The following GIT2 variants were observed in gnomAD, a reference collection of about 807,000 sequenced individuals.
The protein encoded by GIT2 is ARF GTPase-activating protein GIT2.
GIT2 carries 32 observed loss-of-function variants against 100.3 expected under a neutral mutation model. That is an observed-to-expected ratio of 0.32 (90% CI 0.24 to 0.43). GIT2 has a LOEUF of 0.43. Ranked by LOEUF, GIT2 falls within the 20% of genes least tolerant of loss-of-function variation. GIT2 has a pLI of 1.00. For missense variants in GIT2, 737 were observed against 975.1 expected (o/e 0.76, Z 3.25); for synonymous variants, 353 against 364.1 (o/e 0.97, Z 0.35).
chr12:109,991,555 A>C, intron 2 of GIT2, 72 bp downstream of exon 2: 1 of 1,220,744 alleles, frequency 8.2e-7, no homozygotes, highest in Non-Finnish European at 1.2e-6. Context: ...ACACCAGGAG[A>C]AATTTAAGTT....
intron 7 of GIT2, among the ~76,000 whole-genome samples, chr12:109,969,986 C>G (rs1252701531): frequency 1.3e-5 from 2 of 151,964 alleles, no homozygotes; most frequent in Non-Finnish European, 2.9e-5. Context: ...AAACTCCTGA[C>G]CTCAGGTGAT....
chr12:109,950,920 G>A (rs979476146), intron 14 of GIT2: 35 of 475,424 alleles, frequency 7.4e-5, no homozygotes, highest in African/African-American at 5.2e-4. Context: ...TAGTCCAAGG[G>A]TTATTCTAAT....
At chr12:109,971,313 G>T (rs567752122) in intron 7 of GIT2, among the ~76,000 whole-genome samples, 103 of 151,966 alleles carry the variant, frequency 6.8e-4, no homozygotes, top group South Asian at 2.7e-3. Flanking sequence ...TTATACCTAA[G>T]TATTTAATTT....
At chr12:109,959,704 A>T (rs1402786325) in intron 12 of GIT2, 143 bp downstream of exon 12, 1 of 621,528 alleles carries the variant, frequency 1.6e-6, no homozygotes, top group Admixed American at 2.9e-5. Context: ...GTATCCCGGA[A>T]CTTAAAGTAA....
At chr12:109,978,431 G>A (rs2013521006) in intron 7 of GIT2, among the ~76,000 whole-genome samples, 1 of 151,990 alleles carries the variant, frequency 6.6e-6, no homozygotes, top group South Asian at 2.1e-4. Flanking sequence ...TACGTTTTCT[G>A]CACACACCAC....
intron 16 of GIT2, among the ~76,000 whole-genome samples, chr12:109,943,865 A>G (rs1764213202): frequency 1.3e-5 from 2 of 150,738 alleles, no homozygotes; most frequent in Non-Finnish European, 3.0e-5. Flanking sequence ...ATAATTTTTT[A>G]TATTTTTTAT....
In GIT2 at chr12:109,967,481, A is replaced by G. The variant is rs752668461; in HGVS notation, c.741T>C (p.Phe247=). 6.2e-7 allele frequency: 1 copy of G among 1,605,518 alleles called. No individual in the cohort carries two copies. The highest frequency in any genetic ancestry group is 8.5e-7 in the Non-Finnish European group (1 of 1,172,238). ...RKPDHKNGQH[F]IIPQMADSSL... ...ACCTGTCTGCCATTTGAGGTATTAT[A>G]AAGTGCTGTCCATTTTTGTGATCTG... The change falls in exon 8 of 20, where the codon TTT becomes TTC. Residue 247 remains phenylalanine, a synonymous_variant. Transcript: ENST00000355312.
At chr12:109,954,914 T>A (rs976237096) in intron 12 of GIT2, among the ~76,000 whole-genome samples, 7 of 150,426 alleles carry the variant, frequency 4.7e-5, no homozygotes, top group Non-Finnish European at 1.0e-4. Flanking sequence ...AAAAAAATAA[T>A]AATAATAATA....
intron 12 of GIT2, among the ~76,000 whole-genome samples, chr12:109,956,724 C>G (rs1030024127): frequency 6.6e-6 from 1 of 152,016 alleles, no homozygotes; most frequent in Non-Finnish European, 1.5e-5. Flanking sequence ...CTTTTAAAAA[C>G]TTTATTATTT....
rs1234047537 is a variant in GIT2 at position 109,953,081 on chromosome 12, T to C, written c.1242+11A>G. The C allele has an allele frequency of 1.9e-6, 3 of 1,611,396 alleles. No homozygotes were observed. The highest frequency in any genetic ancestry group is 2.5e-6 in the Non-Finnish European group (3 of 1,177,782). Reference sequence around the variant, plus strand: ...CGTGCTTGCCCTTCCATGGGACGCATGGCCTCTCACCTTCTGCCGGTTTGT... The same window carrying C: ...CGTGCTTGCCCTTCCATGGGACGCACGGCCTCTCACCTTCTGCCGGTTTGT... On this transcript the variant is annotated intron_variant, in intron 13 of 19. Coordinates refer to ENST00000355312, the MANE Select transcript of GIT2 (RefSeq NM_057169.5).
Position 109,945,292 on chromosome 12 carries a change from G to A in GIT2, c.1699C>T (p.Leu567Phe). ...GCGCTTTCGTCCCTCGACCAGGAAA[G>A]TGTGGAGGGGAAGGAAGGCAGAGAT... is the stretch of plus-strand genomic sequence containing the variant. ...SSSLPSFPST[L>F]SWSRDESARR... The change falls in exon 16 of 20, where the codon CTT (leucine) becomes TTT (phenylalanine). Residue 567 changes from leucine (L) to phenylalanine (F), a missense_variant. This residue lies in a region of GIT2 where 451 missense variants were observed against 543.7 expected (regional missense o/e 0.83). Transcript: ENST00000355312. 6.3e-7 allele frequency: 1 copy of A among 1,579,988 alleles called. No homozygotes were observed. Among genetic ancestry groups the A allele is most frequent in the Non-Finnish European group, 8.7e-7 (1 of 1,149,062 alleles).
chr12:109,953,246 A>G lies in GIT2; in HGVS notation c.1100-12T>C, dbSNP rs377231722. On this transcript the variant is annotated splice_polypyrimidine_tract_variant and intron_variant, in intron 12 of 19. Coordinates refer to ENST00000355312, the MANE Select transcript of GIT2 (RefSeq NM_057169.5). The stretch of plus-strand genomic sequence containing the variant: ...GAGCTCCACATTGTCTATCAATAAA[A>G]GCAAACAACTTTACTTCAGGCTTAA... The G allele has an allele frequency of 6.2e-6, 10 of 1,612,486 alleles. No individual in the cohort carries two copies. In the African/African-American group the frequency reaches 1.2e-4, roughly 19 times the overall value.
rs1455762610 is a variant in GIT2, at chr12:109,945,379, A to C, written c.1642-30T>G. 4 of 1,142,502 alleles carry C rather than the reference A, an allele frequency of 3.5e-6. 1 individual carries two copies. In the South Asian group the frequency reaches 5.0e-5, roughly 14 times the overall value. The allele number at this position is 1,142,502 out of a possible 1,614,324, so 70.8% of individuals were successfully genotyped here. Reference sequence around the variant, plus strand: ...AATGGGAAAGAGAAACACACTCGGGAAAATACAAAACAAACCAAAAACCTA... The same window carrying C: ...AATGGGAAAGAGAAACACACTCGGGCAAATACAAAACAAACCAAAAACCTA... On this transcript the variant is annotated intron_variant, in intron 15 of 19. Transcript: ENST00000355312.
chr12:109,976,593 C>CTT (rs938104261), intron 7 of GIT2, among the ~76,000 whole-genome samples: 11 of 104,438 alleles, frequency 1.1e-4, no homozygotes, highest in East Asian at 2.9e-4. Context: ...GTTTTCTTTT[C>CTT]TTTTTTTTTT....
At chr12:109,949,804 G>T (rs188281831) in intron 14 of GIT2, among the ~76,000 whole-genome samples, 36 of 152,264 alleles carry the variant, frequency 2.4e-4, no homozygotes, top group Middle Eastern at 3.4e-3. Context: ...GATTTACAGT[G>T]GCAAAATCAG....
chr12:109,990,463 A>G (rs984706280), intron 2 of GIT2, among the ~76,000 whole-genome samples: 1 of 152,238 alleles, frequency 6.6e-6, no homozygotes, highest in African/African-American at 2.4e-5. Flanking sequence ...TTCTAAGCAA[A>G]AGTTAGTAAT....
At chr12:109,950,385 CT>C (rs1189466409) in intron 14 of GIT2, among the ~76,000 whole-genome samples, 1 of 152,186 alleles carries the variant, frequency 6.6e-6, no homozygotes, top group Non-Finnish European at 1.5e-5. Flanking sequence ...CATTTTAGAG[CT>C]GAATGATGAG....
chr12:109,975,933 A>G (rs1884927291), intron 7 of GIT2, among the ~76,000 whole-genome samples: 1 of 151,634 alleles, frequency 6.6e-6, no homozygotes, highest in Non-Finnish European at 1.5e-5. Context: ...CACCATGCCT[A>G]GCTAATTTTT....
intron 7 of GIT2, among the ~76,000 whole-genome samples, chr12:109,971,009 C>T (rs2136555701): frequency 6.6e-6 from 1 of 152,332 alleles, no homozygotes; most frequent in East Asian, 1.9e-4. Context: ...TAGTCTCAAA[C>T]TCCTGGGCTC....
Sources: allele counts gnomAD v4.1 joint callset (sites outside exome capture counted in the v4.1 genomes callset), GRCh38; gene constraint gnomAD v4.1.1; regional missense constraint gnomAD v4.1.1; transcripts MANE v1.5; gene names NCBI Gene and HGNC (gene_info 2026-07-23, HGNC 2026-07-21).